The following MYLK variants were observed in gnomAD, a reference collection of about 807,000 sequenced individuals.
MYLK encodes the protein myosin light chain kinase, smooth muscle.
MYLK carries 106 observed loss-of-function variants against 203.4 expected under a neutral mutation model. The observed-to-expected ratio is 0.52, with a 90% CI of 0.45 to 0.61. The LOEUF is 0.61. MYLK is among the 20% of genes least tolerant of loss of function. The pLI is 0.00. For synonymous variants in MYLK, 867 were observed against 959.5 expected (o/e 0.90, Z 1.78); for missense variants, 2,072 against 2,442.3 (o/e 0.85, Z 3.20).
intron 2 of MYLK, among the ~76,000 whole-genome samples, chr3:123,861,098 C>G (rs2031859183): frequency 6.7e-6 from 1 of 149,442 alleles, no homozygotes; most frequent in Non-Finnish European, 1.5e-5. Context: ...CCACTGCACT[C>G]TAGCCTGGGC....
chr3:123,649,305 C>T (rs534858365), intron 24 of MYLK, 111 bp from the exon 25 acceptor site: 67 of 1,399,920 alleles, frequency 4.8e-5, no homozygotes, highest in Admixed American at 2.3e-4. Flanking sequence ...CCCAGGCAGA[C>T]GACTACCAGG....
chr3:123,853,076 T>A (rs1560291414), intron 2 of MYLK, among the ~76,000 whole-genome samples: 1 of 151,724 alleles, frequency 6.6e-6, no homozygotes, highest in Non-Finnish European at 1.5e-5. Context: ...CTCCTAAGAA[T>A]CTTAAGGGCC....
At position 123,610,134 on chromosome 3, in the gene MYLK, A is replaced by T. The variant is rs1205923645; in HGVS notation, c.*3971T>A. ...ACTTTCACACAAGCTTTTCAGTTTT[A>T]ATTTCACATAATTTGAAAAGTGATG... On this transcript the variant is annotated 3_prime_UTR_variant, in exon 34 of 34. Coordinates refer to ENST00000360304, the MANE Select transcript of MYLK (RefSeq NM_053025.4). The T allele has an allele frequency of 3.3e-5, 5 of 152,266 alleles. No individual in the cohort carries two copies. The highest frequency in any genetic ancestry group is 1.2e-4 in the African/African-American group (5 of 41,476). The allele number at this position is 152,266 out of a possible 1,614,324, so 9.4% of individuals were successfully genotyped here.
chr3:123,851,709 C>T (rs2030824721), intron 2 of MYLK, among the ~76,000 whole-genome samples: 1 of 152,098 alleles, frequency 6.6e-6, no homozygotes, highest in African/African-American at 2.4e-5. Context: ...ATTTGACTTC[C>T]TCTTTTCCTA....
At chr3:123,655,074 TA>T (rs2059350838) in intron 24 of MYLK, among the ~76,000 whole-genome samples, 1 of 152,182 alleles carries the variant, frequency 6.6e-6, no homozygotes, top group Admixed American at 6.5e-5. Context: ...CTTCTTGAAA[TA>T]ATATTCCATG....
At chr3:123,800,502 C>T (rs2065158318) in intron 3 of MYLK, among the ~76,000 whole-genome samples, 1 of 152,084 alleles carries the variant, frequency 6.6e-6, no homozygotes, top group African/African-American at 2.4e-5. Flanking sequence ...AGGAACTGCA[C>T]TGATGAGGCC....
intron 2 of MYLK, among the ~76,000 whole-genome samples, chr3:123,857,452 G>A (rs1320200985): frequency 6.6e-6 from 1 of 151,980 alleles, no homozygotes; most frequent in Non-Finnish European, 1.5e-5. Flanking sequence ...ATACACCATG[G>A]AATACTATGC....
At chr3:123,763,463 T>C (rs1429332366) in intron 4 of MYLK, among the ~76,000 whole-genome samples, 1 of 152,260 alleles carries the variant, frequency 6.6e-6, no homozygotes, top group Non-Finnish European at 1.5e-5. Context: ...AATGAATGCA[T>C]GGAAAGTTAA....
rs2062717622 is a variant in MYLK, at chr3:123,737,493, GTTC to G, written c.636_638del (p.Lys212del). The G allele has an allele frequency of 6.2e-7, 1 of 1,614,176 alleles. No homozygotes were observed. Among genetic ancestry groups the G allele is most frequent in the Non-Finnish European group, 8.5e-7 (1 of 1,180,036 alleles). On this transcript the variant is annotated inframe_deletion, in exon 8 of 34. Transcript: ENST00000360304. ...CATGGATTTCCAGAACCTGCATGCC[GTTC>G]TTCTCAGACACAGACACACGGGCAC...
chr3:123,883,181 C>T (rs984296243), intron 1 of MYLK, among the ~76,000 whole-genome samples: 1 of 152,152 alleles, frequency 6.6e-6, no homozygotes, highest in African/African-American at 2.4e-5. Context: ...GGATGCAGCT[C>T]CAGGGCAGGC....
Position 123,737,390 on chromosome 3 carries a change from G to A in MYLK, c.742C>T (p.Leu248Phe). Residue 248 changes from leucine to phenylalanine, a missense_variant, in exon 8 of 34, where the codon CTT becomes TTT. Leu to Phe is a conservative substitution (Grantham distance 22). Transcript: ENST00000360304. ...CACTGGTCGATACCTTGGATGGAAAGTTCAGCTGACATCGAGGCCTTCCCC... is the reference window on the plus strand; with the variant it reads ...CACTGGTCGATACCTTGGATGGAAAATTCAGCTGACATCGAGGCCTTCCCC... ...GSGKASMSAE[L>F]SIQGLDSANR... The A allele has an allele frequency of 1.2e-6, 2 of 1,614,162 alleles. No individual in the cohort carries two copies. The highest frequency in any genetic ancestry group is 4.5e-5 in the East Asian group (2 of 44,872).
At chr3:123,806,381 G>T (rs1408603912) in intron 3 of MYLK, among the ~76,000 whole-genome samples, 1 of 152,106 alleles carries the variant, frequency 6.6e-6, no homozygotes, top group Non-Finnish European at 1.5e-5. Flanking sequence ...CTAAGCAGGT[G>T]AGCCGTCTGT....
Position 123,740,290 on chromosome 3 carries a change from CAG to C in MYLK, c.374-291_374-290del, listed in dbSNP as rs746691515. On this transcript the variant is annotated intron_variant, in intron 5 of 33. Coordinates refer to ENST00000360304, the MANE Select transcript of MYLK (RefSeq NM_053025.4). ...CCATACAAGGTCACAAAGTCAGTAA[CAG>C]TGCAGAAATTCACCCAGGTCTGCCA... is the stretch of plus-strand genomic sequence containing the variant. Among the ~76,000 whole-genome samples the C allele has an allele frequency of 8.6e-4, 131 of 152,352 alleles. 2 individuals are homozygous for C. The highest frequency in any genetic ancestry group is 3.5e-4 in the Non-Finnish European group (24 of 68,024).
At chr3:123,666,503 C>G (rs1338079550) in intron 21 of MYLK, among the ~76,000 whole-genome samples, 157 bp from the exon 22 acceptor site, 2 of 152,198 alleles carry the variant, frequency 1.3e-5, no homozygotes, top group Non-Finnish European at 2.9e-5. Flanking sequence ...GCAGGACATC[C>G]AAGTTCATGG....
chr3:123,772,149 C>T (rs1449547512), intron 4 of MYLK, among the ~76,000 whole-genome samples: 2 of 152,088 alleles, frequency 1.3e-5, no homozygotes, highest in African/African-American at 4.8e-5. Flanking sequence ...TTCTAAACAA[C>T]ATACGAGAAG....
chr3:123,635,536 C>T (rs576420984), intron 29 of MYLK, among the ~76,000 whole-genome samples: 35 of 152,322 alleles, frequency 2.3e-4, no homozygotes, highest in African/African-American at 8.2e-4. Context: ...GCCACACACA[C>T]ACCCCTCCTC....
chr3:123,818,289 T>C (rs1286661672), intron 3 of MYLK, among the ~76,000 whole-genome samples: 1 of 152,220 alleles, frequency 6.6e-6, no homozygotes, highest in Non-Finnish European at 1.5e-5. Context: ...ATTCTGCAGA[T>C]TAAACACAAT....
chr3:123,711,246 A>G (rs1306820009), intron 13 of MYLK, among the ~76,000 whole-genome samples: 1 of 152,182 alleles, frequency 6.6e-6, no homozygotes, highest in African/African-American at 2.4e-5. Context: ...ATGAGGAAAC[A>G]TTTGGGGACA....
At chr3:123,653,411 C>T (rs1228014300) in intron 24 of MYLK, among the ~76,000 whole-genome samples, 4 of 152,228 alleles carry the variant, frequency 2.6e-5, no homozygotes, top group African/African-American at 9.6e-5. Flanking sequence ...AGGCCTAACA[C>T]TTGCCAACTG....
Sources: gnomAD v4.1 joint callset for allele counts (sites outside exome capture counted in the v4.1 genomes callset) on GRCh38, gnomAD v4.1.1 for gene constraint, MANE v1.5 for transcripts, NCBI Gene and HGNC (gene_info 2026-07-23, HGNC 2026-07-21) for gene names.